Variants in KCTD16 observed in about 807,000 individuals in gnomAD.
KCTD16 encodes BTB/POZ domain-containing protein KCTD16.
KCTD16 carries 13 observed loss-of-function variants against 33.2 expected under a neutral mutation model. The observed-to-expected ratio is 0.39, with a 90% confidence interval of 0.25 to 0.62. The LOEUF is 0.62. Ranked by LOEUF, KCTD16 falls within the 20% of genes least tolerant of loss-of-function variation. The pLI is 0.50. For synonymous variants in KCTD16, 197 were observed against 195.3 expected (o/e 1.01, Z -0.07); for missense variants, 441 against 525.1 (o/e 0.84, Z 1.57).
At chr5:144,268,733 T>A (rs533955967) in intron 3 of KCTD16, among the ~76,000 whole-genome samples, 65 of 152,048 alleles carry the variant, frequency 4.3e-4, no homozygotes, top group African/African-American at 1.4e-3. Context: ...AGGAAAAAAA[T>A]TAAACAACAG....
At chr5:144,340,847 C>T (rs200614895) in intron 3 of KCTD16, among the ~76,000 whole-genome samples, 5 of 151,982 alleles carry the variant, frequency 3.3e-5, no homozygotes, top group Admixed American at 2.0e-4. Flanking sequence ...GTCAAGAGTT[C>T]GAGACCAGCC....
intron 3 of KCTD16, among the ~76,000 whole-genome samples, chr5:144,368,166 TC>T (rs1276661093): frequency 6.6e-6 from 1 of 152,162 alleles, no homozygotes; most frequent in Non-Finnish European, 1.5e-5. Flanking sequence ...ATAATTTTGG[TC>T]CCTTTGACCT....
chr5:144,230,550 A>G (rs1489763849), intron 3 of KCTD16, among the ~76,000 whole-genome samples: 5 of 152,192 alleles, frequency 3.3e-5, no homozygotes, highest in South Asian at 2.1e-4. Flanking sequence ...TGTGGGAACT[A>G]TATTTCAAAG....
At chr5:144,172,861 TA>T (rs1204044353) in intron 1 of KCTD16, among the ~76,000 whole-genome samples, 16 of 152,204 alleles carry the variant, frequency 1.1e-4, no homozygotes, top group African/African-American at 3.6e-4. Flanking sequence ...ATCTTATGGT[TA>T]AAAAAATTCT....
At chr5:144,473,251 G>C (rs1218422004) in intron 3 of KCTD16, among the ~76,000 whole-genome samples, 2 of 152,090 alleles carry the variant, frequency 1.3e-5, no homozygotes, top group Non-Finnish European at 2.9e-5. Context: ...GAGAGATACT[G>C]CATTAAGAAT....
intron 2 of KCTD16, among the ~76,000 whole-genome samples, chr5:144,189,444 C>G (rs1268400859): frequency 2.7e-5 from 4 of 150,360 alleles, no homozygotes; most frequent in Non-Finnish European, 5.9e-5. Context: ...TGCAGTGAGC[C>G]TAGATTGCGC....
rs1206152723 is a variant in KCTD16 at position 144,476,206 on chromosome 5, C to T, written c.*2092C>T. 1 of 152,124 alleles carries T rather than the reference C, an allele frequency of 6.6e-6. No homozygotes were observed. Among genetic ancestry groups the T allele is most frequent in the Non-Finnish European group, 1.5e-5 (1 of 68,026 alleles). 9.4% of individuals were successfully genotyped at this position (152,124 alleles called of 1,614,324 possible). On this transcript the variant is annotated 3_prime_UTR_variant, in exon 4 of 4. Transcript: ENST00000512467. ...AGAAGTTGAATTTGGGGAAAATATCCTGAAACTCACTTTGGTCAAATGATT... is the reference window on the plus strand; with the variant it reads ...AGAAGTTGAATTTGGGGAAAATATCTTGAAACTCACTTTGGTCAAATGATT...
At chr5:144,365,638 G>A (rs1045543086) in intron 3 of KCTD16, among the ~76,000 whole-genome samples, 2 of 152,162 alleles carry the variant, frequency 1.3e-5, no homozygotes, top group Non-Finnish European at 2.9e-5. Context: ...TGTGTTTCAG[G>A]TAATGGCAAA....
intron 3 of KCTD16, among the ~76,000 whole-genome samples, chr5:144,347,424 G>A (rs1013723185): frequency 6.6e-6 from 1 of 152,106 alleles, no homozygotes; most frequent in Non-Finnish European, 1.5e-5. Flanking sequence ...GTGAAACCTC[G>A]TCTCTACTAA....
intron 3 of KCTD16, among the ~76,000 whole-genome samples, chr5:144,282,679 T>C (rs1036849230): frequency 2.6e-5 from 4 of 152,182 alleles, no homozygotes; most frequent in African/African-American, 9.7e-5. Flanking sequence ...GGAAAAGCAC[T>C]TTGGTTTTTC....
chr5:144,401,085 T>C (rs150812883), intron 3 of KCTD16, among the ~76,000 whole-genome samples: 10 of 152,304 alleles, frequency 6.6e-5, no homozygotes, highest in African/African-American at 2.4e-4. Flanking sequence ...TCTCTTCTTA[T>C]GAAGAAGCTG....
chr5:144,292,813 T>C (rs1755929953), intron 3 of KCTD16, among the ~76,000 whole-genome samples: 1 of 152,156 alleles, frequency 6.6e-6, no homozygotes, highest in Admixed American at 6.5e-5. Context: ...CAGTGATCTT[T>C]GCCTGGTATT....
chr5:144,271,469 T>TA (rs1294549947), intron 3 of KCTD16, among the ~76,000 whole-genome samples: 1 of 151,736 alleles, frequency 6.6e-6, no homozygotes, highest in African/African-American at 2.4e-5. Flanking sequence ...ATCAAAACAT[T>TA]AAAAAAACTA....
At chr5:144,387,135 T>A (rs1307862113) in intron 3 of KCTD16, among the ~76,000 whole-genome samples, 4 of 120,470 alleles carry the variant, frequency 3.3e-5, no homozygotes, top group Admixed American at 9.4e-5. Flanking sequence ...CCAGGCTAAT[T>A]TAATTTTTTT....
intron 3 of KCTD16, among the ~76,000 whole-genome samples, chr5:144,466,641 TA>T (rs1335219639): frequency 2.0e-5 from 3 of 152,050 alleles, no homozygotes; most frequent in Admixed American, 2.0e-4. Context: ...TTGTGTCCAC[TA>T]AATAAAAACC....
chr5:144,417,788 G>A (rs1753102373), intron 3 of KCTD16, among the ~76,000 whole-genome samples: 1 of 151,972 alleles, frequency 6.6e-6, no homozygotes, highest in African/African-American at 2.4e-5. Context: ...TGTAAAGTAG[G>A]GCTCCAACTT....
intron 3 of KCTD16, among the ~76,000 whole-genome samples, chr5:144,304,977 C>CTTTTTTTTTTTTTTTTTT (rs146638360): frequency 1.2e-5 from 1 of 83,416 alleles, no homozygotes; most frequent in Non-Finnish European, 2.2e-5. Flanking sequence ...ATATCAAAAT[C>CTTTTTTTTTTTTTTTTTT]TTTTTTTTTT....
intron 3 of KCTD16, among the ~76,000 whole-genome samples, chr5:144,216,006 T>C (rs1351340180): frequency 6.6e-6 from 1 of 152,242 alleles, no homozygotes; most frequent in Non-Finnish European, 1.5e-5. Flanking sequence ...AAGTGATTAA[T>C]AGATGGTTTC....
At chr5:144,385,397 C>T (rs1298687166) in intron 3 of KCTD16, 1 of 152,132 alleles carries the variant, frequency 6.6e-6, no homozygotes, top group Admixed American at 6.6e-5. Flanking sequence ...CAGTAACATG[C>T]TTGGGGCCAA....
Sources: gnomAD v4.1 joint callset for allele counts (sites outside exome capture counted in the v4.1 genomes callset) on GRCh38, gnomAD v4.1.1 for gene constraint, MANE v1.5 for transcripts, NCBI Gene and HGNC (gene_info 2026-07-23, HGNC 2026-07-21) for gene names.